The following GPHN variants were observed in gnomAD, a reference collection of about 807,000 sequenced individuals.
GPHN encodes gephyrin.
A neutral mutation model predicts 95.5 loss-of-function variants in GPHN; 17 were observed. The ratio of observed to expected loss-of-function variants is 0.18; its 90% CI spans 0.12 to 0.27. GPHN has a LOEUF of 0.27. GPHN is among the 10% of genes least tolerant of loss of function. GPHN has a pLI of 1.00. For missense variants in GPHN, 660 were observed against 978.1 expected, an observed-to-expected ratio of 0.67 and a Z score of 4.34; for synonymous variants, 320 against 322.5, an observed-to-expected ratio of 0.99 and a Z score of 0.08.
the GPHN span, among the ~76,000 whole-genome samples, chr14:67,556,569 A>T: frequency 2.0e-5 from 3 of 152,164 alleles, no homozygotes; most frequent in Non-Finnish European, 4.4e-5. Context: ...ATGAGCCACC[A>T]CACCCACCCT....
chr14:66,588,200 C>G (rs903342512), intron 1 of GPHN, among the ~76,000 whole-genome samples: 5 of 152,002 alleles, frequency 3.3e-5, no homozygotes, highest in African/African-American at 4.8e-5. Context: ...TCAACATCAA[C>G]AAAAAGGATG....
At chr14:67,608,169 A>G in the GPHN span, among the ~76,000 whole-genome samples, 33 of 152,158 alleles carry the variant, frequency 2.2e-4, no homozygotes, top group South Asian at 2.1e-3. Context: ...CCTTGAGCCC[A>G]GGATGTCAAG....
At chr14:67,646,978 TG>T in the GPHN span, 5 of 1,613,262 alleles carry the variant, frequency 3.1e-6, no homozygotes, top group Admixed American at 8.3e-5. Flanking sequence ...TTGATCGACT[TG>T]GTATCCAGAA....
the GPHN span, among the ~76,000 whole-genome samples, chr14:67,499,286 G>A: frequency 6.6e-6 from 1 of 152,170 alleles, no homozygotes; most frequent in African/African-American, 2.4e-5. Flanking sequence ...TTATAAGTAT[G>A]GGCCACTGTG....
At chr14:67,730,204 T>A in the GPHN span, among the ~76,000 whole-genome samples, 2 of 152,200 alleles carry the variant, frequency 1.3e-5, no homozygotes, top group Non-Finnish European at 2.9e-5. Context: ...CGCAAGATAA[T>A]TAAGAAACTT....
At chr14:67,014,413 T>G (rs72730445) in intron 9 of GPHN, among the ~76,000 whole-genome samples, 7,269 of 152,180 alleles carry the variant, frequency 0.048, 200 homozygotes, top group Middle Eastern at 0.068. Context: ...AGAATACTAC[T>G]CCCCAAAGTT....
chr14:67,629,798 C>T, the GPHN span, among the ~76,000 whole-genome samples: 1 of 152,078 alleles, frequency 6.6e-6, no homozygotes, highest in African/African-American at 2.4e-5. Flanking sequence ...TGAAACATTC[C>T]CAAGGACTTG....
At chr14:67,733,890 A>G in the GPHN span, 38 of 1,457,106 alleles carry the variant, frequency 2.6e-5, no homozygotes, top group African/African-American at 4.9e-4. Context: ...AATCCATGCC[A>G]TAATGAACAG....
rs757111014 is a variant in GPHN at position 67,165,147 on chromosome 14, C to CT, written c.1911-8dup. 5 of 1,591,360 alleles carry CT rather than the reference C, an allele frequency of 3.1e-6. No individual in the cohort carries two copies. Among genetic ancestry groups the CT allele is most frequent in the South Asian group, 2.2e-5 (2 of 90,608 alleles). On this transcript the variant is annotated splice_polypyrimidine_tract_variant and intron_variant, in intron 19 of 22. Coordinates refer to ENST00000478722, the MANE Select transcript of GPHN (RefSeq NM_020806.5). ...GCTTAGCAATCACTAACAAGTGACT[C>CT]TTTTTTTCTTCTAGCTTGCCAACAA...
intron 18 of GPHN, among the ~76,000 whole-genome samples, chr14:67,145,092 T>G (rs1240741680): frequency 6.6e-6 from 1 of 152,220 alleles, no homozygotes; most frequent in African/African-American, 2.4e-5. Context: ...CTGTTTTCAT[T>G]ACCATCAAAC....
At chr14:67,654,159 T>C in the GPHN span, among the ~76,000 whole-genome samples, 4 of 152,158 alleles carry the variant, frequency 2.6e-5, no homozygotes, top group South Asian at 8.3e-4. Context: ...CAGGCTGGAG[T>C]GCAGTGCTGC....
intron 3 of GPHN, among the ~76,000 whole-genome samples, chr14:66,815,134 G>A (rs889506247): frequency 1.3e-5 from 2 of 152,090 alleles, no homozygotes; most frequent in South Asian, 2.1e-4. Flanking sequence ...GTATGGAAGG[G>A]AATGAACAAA....
the GPHN span, among the ~76,000 whole-genome samples, chr14:67,406,702 G>A: frequency 6.6e-6 from 1 of 152,220 alleles, no homozygotes; most frequent in Non-Finnish European, 1.5e-5. Flanking sequence ...AGACTGGAGT[G>A]GGGAGCTCAG....
the GPHN span, among the ~76,000 whole-genome samples, chr14:67,675,345 ACCCAAAATAAGAAC>A: frequency 6.6e-6 from 1 of 151,766 alleles, no homozygotes; most frequent in Non-Finnish European, 1.5e-5. Context: ...TCTACCAGAA[ACCCAAAATAAGAAC>A]CGGGCATGGT....
At chr14:66,613,820 C>G (rs1451319629) in intron 1 of GPHN, among the ~76,000 whole-genome samples, 1 of 152,086 alleles carries the variant, frequency 6.6e-6, no homozygotes, top group Non-Finnish European at 1.5e-5. Flanking sequence ...TTATAAGATA[C>G]TGCCAAGCCT....
At chr14:67,046,106 T>A (rs1024326492) in intron 10 of GPHN, among the ~76,000 whole-genome samples, 1 of 151,796 alleles carries the variant, frequency 6.6e-6, no homozygotes, top group African/African-American at 2.4e-5. Context: ...TTTATTTAAA[T>A]CATTTTTATA....
chr14:66,972,226 C>G (rs2069842148), intron 9 of GPHN, among the ~76,000 whole-genome samples: 1 of 147,680 alleles, frequency 6.8e-6, no homozygotes, highest in African/African-American at 2.5e-5. Flanking sequence ...CGAGATTGCA[C>G]CATTGCACTC....
At chr14:66,900,350 A>G (rs909818878) in intron 5 of GPHN, among the ~76,000 whole-genome samples, 1 of 151,920 alleles carries the variant, frequency 6.6e-6, no homozygotes, top group Non-Finnish European at 1.5e-5. Flanking sequence ...TTTCTAATGT[A>G]AACTTTAGGA....
the GPHN span, among the ~76,000 whole-genome samples, chr14:67,669,831 A>G: frequency 1.3e-5 from 2 of 152,172 alleles, no homozygotes; most frequent in East Asian, 3.9e-4. Flanking sequence ...CGGGAACTGT[A>G]GCTCACCCCT....
Sources: gnomAD v4.1 joint callset for allele counts (sites outside exome capture counted in the v4.1 genomes callset) on GRCh38, gnomAD v4.1.1 for gene constraint, MANE v1.5 for transcripts, NCBI Gene and HGNC (gene_info 2026-07-23, HGNC 2026-07-21) for gene names.